Variants in VPS54 observed in about 807,000 individuals in gnomAD.
VPS54 encodes vacuolar protein sorting-associated protein 54.
In VPS54, 45 loss-of-function variants were observed where a neutral mutation model predicts 121.5. The observed-to-expected ratio is 0.37, with a 90% CI of 0.29 to 0.47. The LOEUF is 0.47. VPS54 is among the 20% of genes least tolerant of loss of function. The probability of loss-of-function intolerance (pLI) is 0.99; values close to 1 mark genes in which losing one functional copy is unlikely to be tolerated. For synonymous variants in VPS54, 371 were observed against 385.8 expected (o/e 0.96, Z 0.45); for missense variants, 1,090 against 1,131.4 (o/e 0.96, Z 0.52).
intron 20 of VPS54, among the ~76,000 whole-genome samples, chr2:63,900,232 A>AT (rs1672622402): frequency 1.3e-5 from 2 of 151,170 alleles, no homozygotes; most frequent in Admixed American, 6.6e-5. Flanking sequence ...AAAAAAAAAA[A>AT]AAAAAAAAAA....
chr2:63,978,115 G>A (rs762362787), intron 3 of VPS54, among the ~76,000 whole-genome samples: 16 of 152,190 alleles, frequency 1.1e-4, no homozygotes, highest in Non-Finnish European at 2.1e-4. Context: ...CCTGGGCTGC[G>A]ACCTTCACAG....
chr2:63,915,853 G>A (rs1264312224), intron 16 of VPS54, among the ~76,000 whole-genome samples: 1 of 152,124 alleles, frequency 6.6e-6, no homozygotes, highest in East Asian at 1.9e-4. Flanking sequence ...TTATTATGGT[G>A]CCAAGAAAAA....
intron 3 of VPS54, among the ~76,000 whole-genome samples, chr2:63,979,481 T>C (rs1252537192): frequency 6.6e-6 from 1 of 152,144 alleles, no homozygotes; most frequent in Non-Finnish European, 1.5e-5. Flanking sequence ...CCTCAGGTGA[T>C]CCACCCACCT....
At chr2:63,945,945 G>C (rs963469765) in intron 9 of VPS54, among the ~76,000 whole-genome samples, 1 of 152,078 alleles carries the variant, frequency 6.6e-6, no homozygotes, top group Non-Finnish European at 1.5e-5. Flanking sequence ...TATGTTTACA[G>C]CTCAATATTT....
At chr2:63,960,554 C>A (rs1338506554) in intron 7 of VPS54, among the ~76,000 whole-genome samples, 2 of 152,104 alleles carry the variant, frequency 1.3e-5, no homozygotes, top group East Asian at 1.9e-4. Context: ...TTTGTGTTTG[C>A]CAAGGCGGCA....
chr2:63,965,413 T>C (rs912748844), intron 6 of VPS54, among the ~76,000 whole-genome samples: 1 of 152,020 alleles, frequency 6.6e-6, no homozygotes, highest in African/African-American at 2.4e-5. Context: ...GAGGTGGAGG[T>C]TGCAGTGAGT....
At chr2:63,960,398 A>G (rs958826256) in intron 7 of VPS54, among the ~76,000 whole-genome samples, 1 of 152,250 alleles carries the variant, frequency 6.6e-6, no homozygotes, top group Non-Finnish European at 1.5e-5. Flanking sequence ...CTGTAACCCA[A>G]TAAATCATAA....
intron 22 of VPS54, among the ~76,000 whole-genome samples, chr2:63,895,199 T>TA (rs1473338223): frequency 6.6e-6 from 1 of 152,186 alleles, no homozygotes; most frequent in Non-Finnish European, 1.5e-5. Context: ...CTCATACCTA[T>TA]AATCCCAGCA....
chr2:63,918,623 A>C (rs1305595181), intron 15 of VPS54, among the ~76,000 whole-genome samples: 1 of 151,872 alleles, frequency 6.6e-6, no homozygotes, highest in Non-Finnish European at 1.5e-5. Flanking sequence ...TAATTCCTTC[A>C]ATTTTTCTCT....
chr2:64,006,040 C>CT (rs1678135898), intron 1 of VPS54, among the ~76,000 whole-genome samples: 1 of 152,180 alleles, frequency 6.6e-6, no homozygotes, highest in Non-Finnish European at 1.5e-5. Flanking sequence ...AGGTGGGAAA[C>CT]TACTCTAGAC....
chr2:63,967,872 A>T (rs1676083030), intron 5 of VPS54, among the ~76,000 whole-genome samples: 1 of 152,098 alleles, frequency 6.6e-6, no homozygotes, highest in Non-Finnish European at 1.5e-5. Context: ...TACCCATGTA[A>T]AGCTGCCATT....
intron 11 of VPS54, among the ~76,000 whole-genome samples, chr2:63,937,247 T>C (rs973649696): frequency 1.3e-5 from 2 of 152,030 alleles, no homozygotes; most frequent in African/African-American, 2.4e-5. Context: ...GTAAATCACG[T>C]ATATGATAAA....
At chr2:63,939,024 A>ATAGCT (rs1674594708) in intron 11 of VPS54, among the ~76,000 whole-genome samples, 2 of 152,232 alleles carry the variant, frequency 1.3e-5, no homozygotes, top group Admixed American at 6.5e-5. Context: ...ATAAATCCCA[A>ATAGCT]TAGCTTATTA....
In VPS54 at chr2:63,979,414, G is replaced by A. The variant is rs977908347; in HGVS notation, c.378+2232C>T. 2.0e-5 allele frequency among the ~76,000 whole-genome samples: 3 copies of A among 151,618 alleles called. No individual in the cohort carries two copies. The South Asian group carries it at 6.2e-4, about 32-fold the overall frequency. On this transcript the variant is annotated intron_variant, in intron 3 of 22. Transcript: ENST00000272322. ...GCCATCATGCCTGGCTAATTTTTTT[G>A]TATTTTTATAGAGACAGGGTTTCAC...
At chr2:63,966,923 G>A (rs1337362992) in intron 5 of VPS54, among the ~76,000 whole-genome samples, 2 of 152,118 alleles carry the variant, frequency 1.3e-5, no homozygotes, top group Non-Finnish European at 2.9e-5. Flanking sequence ...TCTTCCTGAA[G>A]AACATGACCC....
chr2:63,976,350 CAAA>C (rs371137546), intron 3 of VPS54, among the ~76,000 whole-genome samples: 1 of 93,914 alleles, frequency 1.1e-5, no homozygotes. Context: ...GACCTTGTCT[CAAA>C]AAAAAAAAAA....
rs745492381 is a variant in VPS54 at position 63,965,869 on chromosome 2, C to T, written c.590G>A (p.Arg197His). The change falls in exon 6 of 23, where the codon CGT becomes CAT. Residue 197 changes from arginine (R) to histidine (H), a missense_variant. This residue lies in a region of VPS54 where 801 missense variants were observed against 757.0 expected (regional missense o/e 1.06). Coordinates refer to ENST00000272322, the MANE Select transcript of VPS54 (RefSeq NM_016516.3). Reference protein sequence around the residue: ...HFNTAGGKGNRDAASSKLLQE... With the variant: ...HFNTAGGKGNHDAASSKLLQE... ...AAGCAACTTTGAGGAAGCTGCATCA[C>T]GATTTCCTTTTCCACCAGCAGTATT... 41 of 1,612,234 alleles carry T rather than the reference C, an allele frequency of 2.5e-5. No individual in the cohort carries two copies. Among genetic ancestry groups the T allele is most frequent in the Admixed American group, 2.0e-4 (12 of 59,722 alleles).
intron 1 of VPS54, among the ~76,000 whole-genome samples, chr2:64,015,421 C>T (rs748420249): frequency 2.6e-5 from 4 of 152,068 alleles, no homozygotes; most frequent in Non-Finnish European, 5.9e-5. Context: ...CACCAAACAT[C>T]GCCCACTGAG....
chr2:63,904,118 C>CA (rs34990639), intron 20 of VPS54, among the ~76,000 whole-genome samples: 136 of 151,868 alleles, frequency 9.0e-4, no homozygotes, highest in African/African-American at 3.2e-3. Flanking sequence ...ATATGCACTT[C>CA]AAAAAAAGGA....
Sources: allele counts gnomAD v4.1 joint callset (sites outside exome capture counted in the v4.1 genomes callset), GRCh38; gene constraint gnomAD v4.1.1; regional missense constraint gnomAD v4.1.1; transcripts MANE v1.5; gene names NCBI Gene and HGNC (gene_info 2026-07-23, HGNC 2026-07-21).